The following SHROOM3 variants were observed in gnomAD, a reference collection of about 807,000 sequenced individuals.
The protein encoded by SHROOM3 is protein Shroom3.
Under a neutral mutation model 138.6 loss-of-function variants are expected in SHROOM3, and 47 were observed. That is an observed-to-expected ratio of 0.34 (90% CI 0.27 to 0.43). The LOEUF is 0.43. Among genes scored for constraint, SHROOM3 ranks in the 20% least tolerant of loss-of-function variants. The pLI is 1.00. For synonymous variants in SHROOM3, 1,062 were observed against 1,063.3 expected (o/e 1.00, Z 0.02); for missense variants, 2,491 against 2,596.5 (o/e 0.96, Z 0.88).
intron 2 of SHROOM3, among the ~76,000 whole-genome samples, chr4:76,689,198 G>A (rs1719423840): frequency 6.6e-6 from 1 of 152,022 alleles, no homozygotes; most frequent in South Asian, 2.1e-4. Flanking sequence ...ATACCGTAAG[G>A]ACCCAAGGAC....
intron 2 of SHROOM3, among the ~76,000 whole-genome samples, chr4:76,577,900 G>A (rs1362913290): frequency 6.6e-6 from 1 of 152,022 alleles, no homozygotes; most frequent in African/African-American, 2.4e-5. Context: ...GTAAATAAAG[G>A]TAGATAATAT....
chr4:76,437,473 G>A (rs1730585627), intron 1 of SHROOM3, among the ~76,000 whole-genome samples: 1 of 152,130 alleles, frequency 6.6e-6, no homozygotes, highest in Non-Finnish European at 1.5e-5. Context: ...TATGATGTTG[G>A]CTTTGTCTTC....
intron 2 of SHROOM3, among the ~76,000 whole-genome samples, chr4:76,641,870 T>C (rs1027866122): frequency 6.6e-6 from 1 of 152,062 alleles, no homozygotes; most frequent in Non-Finnish European, 1.5e-5. Flanking sequence ...GTGAACTAAA[T>C]AGAAAGGAAG....
chr4:76,634,384 G>A (rs1343586030), intron 2 of SHROOM3, among the ~76,000 whole-genome samples: 1 of 152,128 alleles, frequency 6.6e-6, no homozygotes, highest in Non-Finnish European at 1.5e-5. Flanking sequence ...GTTCTAATCT[G>A]AAAATGACAA....
Position 76,740,442 on chromosome 4 carries a change from G to A in SHROOM3, c.2269G>A (p.Gly757Ser). The stretch of plus-strand genomic sequence containing the variant: ...CTCGCACCCGCACACATCCAGTCTG[G>A]GCCGGAGGGGGCCCGGCCCAGGCAG... ...APSHPHTSSLGRRGPGPGSAS... is the reference protein window; with the variant it reads ...APSHPHTSSLSRRGPGPGSAS... Residue 757 changes from glycine (G) to serine (S), a missense_variant, in exon 5 of 11, where the codon GGC becomes AGC. Gly to Ser is a moderately conservative substitution (Grantham distance 56). This residue lies in a region of SHROOM3 where 1,733 missense variants were observed against 1,661.6 expected (regional missense o/e 1.04). Transcript: ENST00000296043. The surrounding 1 kb of genome is among the most constrained non-coding windows in gnomAD (Gnocchi z 4.0). The A allele has an allele frequency of 6.2e-7, 1 of 1,611,920 alleles. No homozygotes were observed. Among genetic ancestry groups the A allele is most frequent in the Non-Finnish European group, 8.5e-7 (1 of 1,178,938 alleles).
At chr4:76,721,297 C>T (rs1444141462) in intron 3 of SHROOM3, among the ~76,000 whole-genome samples, 3 of 149,948 alleles carry the variant, frequency 2.0e-5, no homozygotes, top group East Asian at 4.0e-4. Flanking sequence ...GGTGACAGAG[C>T]GAGACTCCGT....
At chr4:76,653,038 T>C (rs1735994826) in intron 2 of SHROOM3, among the ~76,000 whole-genome samples, 2 of 152,022 alleles carry the variant, frequency 1.3e-5, no homozygotes, top group Admixed American at 1.3e-4. Flanking sequence ...ATATTTACAG[T>C]CTAACTTCAA....
chr4:76,535,956 T>A (rs1732945306), intron 1 of SHROOM3, among the ~76,000 whole-genome samples: 1 of 152,094 alleles, frequency 6.6e-6, no homozygotes, highest in Non-Finnish European at 1.5e-5. Context: ...AATTGAAAGA[T>A]AATGGATGTA....
intron 2 of SHROOM3, among the ~76,000 whole-genome samples, chr4:76,683,922 C>T (rs1315409870): frequency 6.6e-6 from 1 of 152,082 alleles, no homozygotes; most frequent in African/African-American, 2.4e-5. Flanking sequence ...AATTCTTCTT[C>T]CTGCAATGCC....
chr4:76,603,899 G>A (rs1734563785), intron 2 of SHROOM3, among the ~76,000 whole-genome samples: 1 of 141,052 alleles, frequency 7.1e-6, no homozygotes, highest in Non-Finnish European at 1.5e-5. Flanking sequence ...CTGGAGTGCA[G>A]TGGCGCGATC....
chr4:76,679,534 C>G (rs921608345), intron 2 of SHROOM3, among the ~76,000 whole-genome samples: 3 of 152,026 alleles, frequency 2.0e-5, no homozygotes, highest in African/African-American at 7.2e-5. Context: ...TTATCTTCAT[C>G]TATGTCGTTA....
intron 1 of SHROOM3, among the ~76,000 whole-genome samples, chr4:76,459,486 C>A (rs1484185960): frequency 6.6e-6 from 1 of 152,136 alleles, no homozygotes; most frequent in African/African-American, 2.4e-5. Flanking sequence ...GACAGCACTT[C>A]GGCAGGGAGC....
At chr4:76,481,273 A>G (rs1731603248) in intron 1 of SHROOM3, among the ~76,000 whole-genome samples, 1 of 152,144 alleles carries the variant, frequency 6.6e-6, no homozygotes, top group Non-Finnish European at 1.5e-5. Context: ...TCAAATAGAT[A>G]CAATAAAAAA....
At chr4:76,654,127 C>A (rs1256170019) in intron 2 of SHROOM3, among the ~76,000 whole-genome samples, 1 of 152,106 alleles carries the variant, frequency 6.6e-6, no homozygotes, top group Non-Finnish European at 1.5e-5. Flanking sequence ...AGTTGTCTGG[C>A]CTGAACTGAG....
intron 2 of SHROOM3, among the ~76,000 whole-genome samples, chr4:76,623,499 G>A (rs1188076092): frequency 1.3e-5 from 2 of 152,136 alleles, no homozygotes; most frequent in African/African-American, 4.8e-5. Flanking sequence ...ACTACCACTC[G>A]GAATCCTCCA....
rs1431819385 is a variant in SHROOM3 at position 76,693,647 on chromosome 4, A to C, written c.324-16509A>C. 2.0e-5 allele frequency among the ~76,000 whole-genome samples: 3 copies of C among 151,942 alleles called. No individual in the cohort carries two copies. The East Asian group carries it at 5.8e-4, about 29-fold the overall frequency. ...TGATCTGCCTGCCCCAGCCTCCCAAAGTGCTGGGATTACAGGTGTGAGCCA... is the reference window on the plus strand; with the variant it reads ...TGATCTGCCTGCCCCAGCCTCCCAACGTGCTGGGATTACAGGTGTGAGCCA... On this transcript the variant is annotated intron_variant, in intron 2 of 10. Coordinates refer to ENST00000296043, the MANE Select transcript of SHROOM3 (RefSeq NM_020859.4).
intron 1 of SHROOM3, among the ~76,000 whole-genome samples, chr4:76,439,371 C>A (rs1012294727): frequency 2.0e-5 from 3 of 152,136 alleles, no homozygotes; most frequent in African/African-American, 4.8e-5. Context: ...GTATTTGCAA[C>A]CTTAATTCAC....
chr4:76,624,954 C>T (rs958291807), intron 2 of SHROOM3, among the ~76,000 whole-genome samples: 1 of 152,042 alleles, frequency 6.6e-6, no homozygotes, highest in Non-Finnish European at 1.5e-5. Flanking sequence ...CTTCATTAAC[C>T]TCAGTACAAT....
intron 2 of SHROOM3, among the ~76,000 whole-genome samples, chr4:76,620,091 AAAG>A (rs1553929396): frequency 3.0e-5 from 4 of 135,354 alleles, no homozygotes; most frequent in African/African-American, 6.0e-5. Flanking sequence ...AAAAAAAAAA[AAAG>A]AAGAAAAGAA....
Sources: allele counts gnomAD v4.1 joint callset (sites outside exome capture counted in the v4.1 genomes callset), GRCh38; gene constraint gnomAD v4.1.1; regional missense constraint gnomAD v4.1.1; non-coding constraint Gnocchi (gnomAD v3.1); transcripts MANE v1.5; gene names NCBI Gene and HGNC (gene_info 2026-07-23, HGNC 2026-07-21).